The following EPB41L4A variants were observed in gnomAD, a reference collection of about 807,000 sequenced individuals.
The protein encoded by EPB41L4A is band 4.1-like protein 4A.
A neutral mutation model predicts 108.6 loss-of-function variants in EPB41L4A; 100 were observed. The observed-to-expected ratio is 0.92, with a 90% CI of 0.78 to 1.09. EPB41L4A has a LOEUF of 1.09. Among genes scored for constraint, EPB41L4A ranks in the 50% least tolerant of loss-of-function variants. The probability of loss-of-function intolerance (pLI) is 0.00; values close to 1 mark genes in which losing one functional copy is unlikely to be tolerated. For synonymous variants in EPB41L4A, 319 were observed against 289.0 expected (o/e 1.10, Z -1.05); for missense variants, 1,030 against 842.7 (o/e 1.22, Z -2.75).
At chr5:112,208,787 C>T (rs1027316537) in intron 13 of EPB41L4A, among the ~76,000 whole-genome samples, 10 of 152,168 alleles carry the variant, frequency 6.6e-5, no homozygotes, top group Non-Finnish European at 8.8e-5. Context: ...TCTAAAAAAG[C>T]GTGGGATCTG....
intron 1 of EPB41L4A, among the ~76,000 whole-genome samples, chr5:112,365,224 A>C (rs1415557874): frequency 1.3e-5 from 2 of 152,138 alleles, no homozygotes; most frequent in Admixed American, 1.3e-4. Flanking sequence ...GGGTCTCGCT[A>C]CATGGCCCAG....
chr5:112,153,676 T>C (rs560191874), intron 12 of EPB41L4A, among the ~76,000 whole-genome samples: 1 of 151,090 alleles, frequency 6.6e-6, no homozygotes, highest in South Asian at 2.1e-4. Flanking sequence ...CAATAGCTGA[T>C]AGATCAAGCA....
chr5:112,384,290 T>C (rs1760357105), intron 1 of EPB41L4A, among the ~76,000 whole-genome samples: 1 of 152,166 alleles, frequency 6.6e-6, no homozygotes, highest in Admixed American at 6.5e-5. Flanking sequence ...AAGATGATAA[T>C]ATAGATGACT....
intron 15 of EPB41L4A, among the ~76,000 whole-genome samples, chr5:112,203,565 C>A (rs1275267230): frequency 6.6e-6 from 1 of 152,094 alleles, no homozygotes; most frequent in Non-Finnish European, 1.5e-5. Flanking sequence ...CAGCTAAGAA[C>A]TTTTTAAATT....
chr5:112,332,650 T>C (rs979092828), intron 1 of EPB41L4A, among the ~76,000 whole-genome samples: 1 of 152,170 alleles, frequency 6.6e-6, no homozygotes, highest in Non-Finnish European at 1.5e-5. Flanking sequence ...TCCTAAGCCT[T>C]ATATTTGACT....
intron 12 of EPB41L4A, among the ~76,000 whole-genome samples, chr5:112,222,150 A>G (rs1201218154): frequency 6.6e-6 from 1 of 152,212 alleles, no homozygotes; most frequent in African/African-American, 2.4e-5. Flanking sequence ...GCTGACTCTG[A>G]CTATAAATGA....
At chr5:112,287,389 G>C (rs1039939241) in intron 2 of EPB41L4A, among the ~76,000 whole-genome samples, 3 of 152,230 alleles carry the variant, frequency 2.0e-5, no homozygotes, top group Non-Finnish European at 4.4e-5. Context: ...TGCAAATCTT[G>C]TTGGCTCTAT....
At chr5:112,382,829 T>A (rs1381158550) in intron 1 of EPB41L4A, among the ~76,000 whole-genome samples, 1 of 152,208 alleles carries the variant, frequency 6.6e-6, no homozygotes, top group East Asian at 1.9e-4. Context: ...CATTCCTAGT[T>A]ACTCTCCAAC....
At chr5:112,210,609 A>G (rs1169287473) in intron 12 of EPB41L4A, among the ~76,000 whole-genome samples, 2 of 152,160 alleles carry the variant, frequency 1.3e-5, no homozygotes, top group Non-Finnish European at 2.9e-5. Flanking sequence ...CAGCAGAGGG[A>G]GCCCATGGCA....
intron 2 of EPB41L4A, among the ~76,000 whole-genome samples, chr5:112,303,716 C>T (rs1754518955): frequency 6.6e-6 from 1 of 152,112 alleles, no homozygotes; most frequent in Non-Finnish European, 1.5e-5. Context: ...ACTGGCAAGG[C>T]AGGGCCAGTT....
At chr5:112,147,640 GAA>G (rs562034345) in intron 12 of EPB41L4A, among the ~76,000 whole-genome samples, 5 of 65,788 alleles carry the variant, frequency 7.6e-5, no homozygotes, top group Non-Finnish European at 1.2e-4. Context: ...TCTGTCTCAA[GAA>G]AAAAAAAAAA....
Position 112,209,932 on chromosome 5 carries a change from C to A in EPB41L4A, c.1138G>T (p.Glu380Ter), listed in dbSNP as rs750101834. 6.2e-7 allele frequency: 1 copy of A among 1,607,974 alleles called. No individual in the cohort carries two copies. Among genetic ancestry groups the A allele is most frequent in the South Asian group, 1.1e-5 (1 of 90,756 alleles). ...ITANMENGEN[E>*]GTIKIIAPSP... ...GGTGCAATAATTTTAATTGTTCCTTCATTTTCTCCATTTTCCATGTTTGCA... is the reference window on the plus strand; with the variant it reads ...GGTGCAATAATTTTAATTGTTCCTTAATTTTCTCCATTTTCCATGTTTGCA... The change falls in exon 13 of 23, where the codon GAA (glutamate) becomes TAA (stop). Residue 380 changes from glutamate to a stop codon, truncating the protein, a stop_gained. Transcript: ENST00000261486. LOFTEE classifies it high-confidence loss of function.
intron 12 of EPB41L4A, among the ~76,000 whole-genome samples, chr5:112,233,599 A>T (rs1749113873): frequency 6.6e-6 from 1 of 152,040 alleles, no homozygotes; most frequent in South Asian, 2.1e-4. Context: ...TTTTTAATAG[A>T]TAGGGGCCTC....
chr5:112,364,206 G>C (rs1290863620), intron 1 of EPB41L4A, among the ~76,000 whole-genome samples: 1 of 152,038 alleles, frequency 6.6e-6, no homozygotes. Flanking sequence ...TTTGTATTTT[G>C]GTAGAGATGG....
intron 21 of EPB41L4A, 25 bp from the exon 22 acceptor site, chr5:112,168,845 A>G (rs1457355076): frequency 1.3e-6 from 2 of 1,588,446 alleles, no homozygotes; most frequent in Non-Finnish European, 1.7e-6. Context: ...TTTTAGAATT[A>G]GTGACTGGAA....
intron 1 of EPB41L4A, among the ~76,000 whole-genome samples, chr5:112,327,853 G>C (rs1428227359): frequency 6.6e-6 from 1 of 152,114 alleles, no homozygotes; most frequent in African/African-American, 2.4e-5. Context: ...TTAGCAATGG[G>C]GTTTGGTTGT....
In EPB41L4A at chr5:112,227,385, T is replaced by C. The variant is rs78814459; in HGVS notation, c.1087+7249A>G. 7.2e-3 allele frequency among the ~76,000 whole-genome samples: 1,089 copies of C among 152,280 alleles called. 8 individuals carry two copies. The highest frequency in any genetic ancestry group is 0.025 in the African/African-American group (1,026 of 41,568). On this transcript the variant is annotated intron_variant, in intron 12 of 22. Coordinates refer to ENST00000261486, the MANE Select transcript of EPB41L4A (RefSeq NM_022140.5). Reference sequence around the variant, plus strand: ...GATTCACAGTGGTCCACACTGTGAATAGAAAGACATCCTTTTGGTTTAGGA... The same window carrying C: ...GATTCACAGTGGTCCACACTGTGAACAGAAAGACATCCTTTTGGTTTAGGA...
chr5:112,247,423 C>T (rs369384299), intron 9 of EPB41L4A, among the ~76,000 whole-genome samples: 3 of 152,160 alleles, frequency 2.0e-5, no homozygotes, highest in African/African-American at 7.2e-5. Flanking sequence ...TTCCTCACTA[C>T]GTGGACCCGC....
At chr5:112,417,754 G>A (rs952699977) in intron 1 of EPB41L4A, among the ~76,000 whole-genome samples, 1 of 152,096 alleles carries the variant, frequency 6.6e-6, no homozygotes, top group African/African-American at 2.4e-5. Context: ...ACCTCCTAAA[G>A]GAAAGGGTTA....
Sources: allele counts gnomAD v4.1 joint callset (sites outside exome capture counted in the v4.1 genomes callset), GRCh38; gene constraint gnomAD v4.1.1; transcripts MANE v1.5; gene names NCBI Gene and HGNC (gene_info 2026-07-23, HGNC 2026-07-21).